SRGAP3: variants seen among roughly 807,000 people sequenced by gnomAD.
SRGAP3 encodes SLIT-ROBO Rho GTPase-activating protein 3.
A neutral mutation model predicts 121.1 loss-of-function variants in SRGAP3; 39 were observed. The ratio of observed to expected loss-of-function variants is 0.32; its 90% CI spans 0.25 to 0.42. The LOEUF is 0.42. SRGAP3 is among the 10% of genes least tolerant of loss of function. The pLI, the probability that SRGAP3 is intolerant of heterozygous loss-of-function variation, is 1.00. For missense variants in SRGAP3, 1,213 were observed against 1,470.6 expected (o/e 0.82, Z 2.86); for synonymous variants, 601 against 570.0 (o/e 1.05, Z -0.77).
intron 12 of SRGAP3, among the ~76,000 whole-genome samples, chr3:9,032,247 CTG>C (rs956692531): frequency 3.3e-5 from 5 of 152,208 alleles, no homozygotes; most frequent in African/African-American, 1.2e-4. Flanking sequence ...GGGATTTCCT[CTG>C]TGTTGCTTTC....
Position 9,230,998 on chromosome 3 carries a change from A to G in SRGAP3, c.67+17887T>C, listed in dbSNP as rs529689991. On this transcript the variant is annotated intron_variant, in intron 1 of 21. Transcript: ENST00000383836. ...GGCTCTGTTACTAGATTTGGCTTCA[A>G]TCCTCCCCCTGCCCATTCAGATGAT... Among the ~76,000 whole-genome samples the G allele has an allele frequency of 1.9e-4, 29 of 152,272 alleles. No individual in the cohort carries two copies. In the South Asian group the frequency reaches 6.0e-3, roughly 32 times the overall value.
At chr3:9,081,093 C>T (rs1284237193) in intron 3 of SRGAP3, among the ~76,000 whole-genome samples, 2 of 152,208 alleles carry the variant, frequency 1.3e-5, no homozygotes, top group African/African-American at 4.8e-5. Context: ...TTCCTGAAGG[C>T]TTGTCTTCCT....
intron 1 of SRGAP3, among the ~76,000 whole-genome samples, chr3:9,130,976 C>T (rs1360949514): frequency 6.6e-6 from 1 of 152,220 alleles, no homozygotes; most frequent in Non-Finnish European, 1.5e-5. Flanking sequence ...CAGCAGTTTG[C>T]CGGGCTCAAA....
At chr3:9,169,275 T>C (rs2543501) in intron 1 of SRGAP3, among the ~76,000 whole-genome samples, 51,661 of 152,164 alleles carry the variant, frequency 0.34, 9,453 homozygotes, top group Non-Finnish European at 0.42. Flanking sequence ...ATAATCATTA[T>C]ATATGAGACA....
intron 7 of SRGAP3, among the ~76,000 whole-genome samples, chr3:9,056,908 G>T (rs906578700): frequency 1.3e-5 from 2 of 152,042 alleles, no homozygotes; most frequent in African/African-American, 2.4e-5. Flanking sequence ...TTGAGACAGG[G>T]TCTCACTCTG....
intron 1 of SRGAP3, among the ~76,000 whole-genome samples, chr3:9,340,602 C>T (rs183314001): frequency 6.6e-6 from 1 of 152,292 alleles, no homozygotes; most frequent in African/African-American, 2.4e-5. Context: ...AGAGATGACC[C>T]TGATAGACCT....
At chr3:9,266,051 A>G (rs991304326) in intron 3 of SRGAP3, among the ~76,000 whole-genome samples, 1 of 152,324 alleles carries the variant, frequency 6.6e-6, no homozygotes, top group Middle Eastern at 3.4e-3. Flanking sequence ...CATAAAAAAG[A>G]ATGAGTTCAT....
At chr3:9,120,722 T>C (rs1269496553) in intron 2 of SRGAP3, among the ~76,000 whole-genome samples, 1 of 152,216 alleles carries the variant, frequency 6.6e-6, no homozygotes, top group Admixed American at 6.5e-5. Flanking sequence ...AGAGCAAGGA[T>C]GTCAGAGTGC....
intron 2 of SRGAP3, among the ~76,000 whole-genome samples, chr3:9,118,383 T>A (rs1575100063): frequency 6.6e-6 from 1 of 152,152 alleles, no homozygotes; most frequent in African/African-American, 2.4e-5. Flanking sequence ...CCAAATTCAT[T>A]TGGACAAGAC....
chr3:9,226,999 C>G (rs1056812815), intron 1 of SRGAP3, among the ~76,000 whole-genome samples: 1 of 152,120 alleles, frequency 6.6e-6, no homozygotes, highest in African/African-American at 2.4e-5. Flanking sequence ...AAAAAACCCA[C>G]CTGCCCACAG....
intron 18 of SRGAP3, among the ~76,000 whole-genome samples, chr3:8,996,350 T>G (rs544304508): frequency 6.6e-6 from 1 of 152,238 alleles, no homozygotes; most frequent in South Asian, 2.1e-4. Flanking sequence ...ACCACACACA[T>G]GCACCAGGGC....
intron 1 of SRGAP3, among the ~76,000 whole-genome samples, chr3:9,341,655 A>ATTTG (rs776909307): frequency 4.6e-5 from 7 of 152,076 alleles, no homozygotes; most frequent in East Asian, 1.9e-4. Flanking sequence ...TGATTGCTAC[A>ATTTG]TTTGTTTGTT....
At chr3:8,993,443 C>T (rs1415851136) in intron 19 of SRGAP3, among the ~76,000 whole-genome samples, 1 of 152,204 alleles carries the variant, frequency 6.6e-6, no homozygotes, top group African/African-American at 2.4e-5. Flanking sequence ...TGAGAAATGG[C>T]TTCTGGCTAA....
At chr3:9,143,998 G>T (rs534968334) in intron 1 of SRGAP3, among the ~76,000 whole-genome samples, 3 of 152,056 alleles carry the variant, frequency 2.0e-5, no homozygotes, top group African/African-American at 7.2e-5. Flanking sequence ...CATTGTCTCT[G>T]ACTTGAACAA....
chr3:9,188,245 C>T (rs1154387), intron 1 of SRGAP3, among the ~76,000 whole-genome samples: 73,737 of 152,050 alleles, frequency 0.48, 18,234 homozygotes, highest in African/African-American at 0.56. Flanking sequence ...GAGAGAGATA[C>T]AGAAATATTA....
chr3:9,026,841 T>C (rs1307515349), intron 13 of SRGAP3, 94 bp downstream of exon 13: 1 of 1,401,592 alleles, frequency 7.1e-7, no homozygotes, highest in East Asian at 2.3e-5. Flanking sequence ...TGACGGGAAG[T>C]CTTCCAGGAC....
At position 9,138,764 on chromosome 3, in the gene SRGAP3, T is replaced by A. The variant is rs193006490; in HGVS notation, c.68-13847A>T. On this transcript the variant is annotated intron_variant, in intron 1 of 21. Transcript: ENST00000383836. ...CGCACAGTTTATTTAAAAGATTGCA[T>A]GAAATTACCTTCAGGCTATGTGTAA... Among the ~76,000 whole-genome samples the A allele has an allele frequency of 3.6e-3, 554 of 152,356 alleles. 3 individuals carry two copies. The highest frequency in any genetic ancestry group is 0.013 in the African/African-American group (525 of 41,582).
intron 18 of SRGAP3, among the ~76,000 whole-genome samples, chr3:9,009,460 A>C (rs1335487542): frequency 6.6e-6 from 1 of 152,202 alleles, no homozygotes; most frequent in Non-Finnish European, 1.5e-5. Context: ...TAAAAATTAT[A>C]TTTTACAACT....
At chr3:9,286,882 G>A (rs35329139) in intron 3 of SRGAP3, among the ~76,000 whole-genome samples, 32,184 of 150,554 alleles carry the variant, frequency 0.21, 3,774 homozygotes, top group African/African-American at 0.3. Context: ...GATTACAGGC[G>A]TGAGCCACCG....
Sources: gnomAD v4.1 joint callset for allele counts (sites outside exome capture counted in the v4.1 genomes callset) on GRCh38, gnomAD v4.1.1 for gene constraint, MANE v1.5 for transcripts, NCBI Gene and HGNC (gene_info 2026-07-23, HGNC 2026-07-21) for gene names.